The following TASOR variants were observed in gnomAD, a reference collection of about 807,000 sequenced individuals.
TASOR encodes transcription activation suppressor, also known as protein TASOR.
Under a neutral mutation model 178.6 loss-of-function variants are expected in TASOR, and 53 were observed. The ratio of observed to expected loss-of-function variants is 0.30; its 90% CI spans 0.24 to 0.37. The LOEUF (loss-of-function observed/expected upper bound fraction) is 0.37. TASOR is among the 10% of genes least tolerant of loss of function. The probability of loss-of-function intolerance (pLI) is 1.00; values close to 1 mark genes in which losing one functional copy is unlikely to be tolerated. For missense variants in TASOR, 1,815 were observed against 1,971.4 expected (o/e 0.92, Z 1.50); for synonymous variants, 713 against 696.2 (o/e 1.02, Z -0.38).
rs1452769434 is a variant in TASOR at position 56,633,685 on chromosome 3, A to G, written c.3106T>C (p.Leu1036=). Residue 1036 remains leucine (L), a synonymous_variant, in exon 18 of 24, where the codon TTG becomes CTG. Transcript: ENST00000683822. ...ACATATGAAACATTCTTTTGCTTCAAAATCTCTTCTATCTTCCTAGAAAAG... is the reference window on the plus strand; with the variant it reads ...ACATATGAAACATTCTTTTGCTTCAGAATCTCTTCTATCTTCCTAGAAAAG... ...NLFSRKIEEI[L]KQKNVSYVST... The G allele has an allele frequency of 1.9e-6, 3 of 1,614,134 alleles. No homozygotes were observed. The highest frequency in any genetic ancestry group is 1.1e-5 in the South Asian group (1 of 91,072).
At chr3:56,673,757 TAAC>T in intron 1 of TASOR, 32 bp from the exon 2 acceptor site, 1 of 1,516,094 alleles carries the variant, frequency 6.6e-7, no homozygotes, top group Non-Finnish European at 8.9e-7. Flanking sequence ...TTAAAATGTT[TAAC>T]ATTACTCCAT....
chr3:56,683,235 T>A lies in TASOR; in HGVS notation c.-229A>T. 2.2e-6 allele frequency: 1 copy of A among 453,142 alleles called. No individual in the cohort carries two copies. Among genetic ancestry groups the A allele is most frequent in the Non-Finnish European group, 3.9e-6 (1 of 258,702 alleles). The allele number at this position is 453,142 out of a possible 1,614,324, so 28.1% of individuals were successfully genotyped here. A position where few individuals can be genotyped will look rare whatever the true frequency, so the allele number is the denominator to read the frequency against. Reference sequence around the variant, plus strand: ...AGCCGCTCCTCCCTCGGGCAGTTCTTCTGCCTTCCCCCGCCACTCAACGTG... The same window carrying A: ...AGCCGCTCCTCCCTCGGGCAGTTCTACTGCCTTCCCCCGCCACTCAACGTG... On this transcript the variant is annotated 5_prime_UTR_variant, in exon 1 of 24. Coordinates refer to ENST00000683822, the MANE Select transcript of TASOR (RefSeq NM_001365635.2).
chr3:56,683,208 G>T lies in TASOR; in HGVS notation c.-202C>A. The T allele has an allele frequency of 3.8e-6, 2 of 525,450 alleles. No homozygotes were observed. Among genetic ancestry groups the T allele is most frequent in the Non-Finnish European group, 6.6e-6 (2 of 303,790 alleles). 32.5% of individuals were successfully genotyped at this position (525,450 alleles called of 1,614,324 possible). A position where few individuals can be genotyped will look rare whatever the true frequency, so the allele number is the denominator to read the frequency against. ...ACCCCAAATGCGCTGCCCGGTCCTCGGAGCCGCTCCTCCCTCGGGCAGTTC... is the reference window on the plus strand; with the variant it reads ...ACCCCAAATGCGCTGCCCGGTCCTCTGAGCCGCTCCTCCCTCGGGCAGTTC... On this transcript the variant is annotated 5_prime_UTR_variant, in exon 1 of 24. Coordinates refer to ENST00000683822, the MANE Select transcript of TASOR (RefSeq NM_001365635.2).
intron 13 of TASOR, 67 bp from the exon 14 acceptor site, chr3:56,647,290 A>T: frequency 1.6e-6 from 2 of 1,259,424 alleles, no homozygotes; most frequent in Non-Finnish European, 2.2e-6. Context: ...TCAAATACAG[A>T]TCTAAATATT....
chr3:56,647,746 A>G (rs1205284197), intron 13 of TASOR, among the ~76,000 whole-genome samples: 3 of 152,362 alleles, frequency 2.0e-5, no homozygotes, highest in South Asian at 4.1e-4. Flanking sequence ...CACAGTATTA[A>G]AGTTCATTCT....
chr3:56,651,552 T>C (rs2077352014), intron 11 of TASOR, among the ~76,000 whole-genome samples: 1 of 152,076 alleles, frequency 6.6e-6, no homozygotes, highest in African/African-American at 2.4e-5. Flanking sequence ...ATTTTAAAAG[T>C]TGTCATGTGT....
intron 11 of TASOR, among the ~76,000 whole-genome samples, chr3:56,652,672 C>G (rs1440854485): frequency 1.3e-5 from 2 of 152,076 alleles, no homozygotes; most frequent in African/African-American, 4.8e-5. Context: ...AGAACTCTGC[C>G]TGGCGTATGA....
intron 21 of TASOR, among the ~76,000 whole-genome samples, chr3:56,625,698 T>G (rs1373396066): frequency 6.6e-6 from 1 of 152,128 alleles, no homozygotes; most frequent in Non-Finnish European, 1.5e-5. Flanking sequence ...TTCTTTTTTT[T>G]TTTTGAGACA....
chr3:56,675,077 G>A (rs1202454286), intron 1 of TASOR, among the ~76,000 whole-genome samples: 2 of 151,934 alleles, frequency 1.3e-5, no homozygotes, highest in Admixed American at 6.6e-5. Flanking sequence ...CACCTGCCTC[G>A]GCCTCCCAAA....
chr3:56,658,922 G>GAGAC (rs1184623966), intron 11 of TASOR, among the ~76,000 whole-genome samples: 1 of 146,382 alleles, frequency 6.8e-6, no homozygotes, highest in Non-Finnish European at 1.5e-5. Context: ...AAAAAAGAGA[G>GAGAC]AGAGACAGAG....
chr3:56,638,984 G>C (rs1474342255), intron 16 of TASOR, among the ~76,000 whole-genome samples: 1 of 152,126 alleles, frequency 6.6e-6, no homozygotes, highest in Admixed American at 6.6e-5. Context: ...GAAACGGTTA[G>C]GATAACCTTC....
intron 1 of TASOR, among the ~76,000 whole-genome samples, chr3:56,675,438 A>C (rs966891728): frequency 1.3e-5 from 2 of 151,882 alleles, no homozygotes; most frequent in Non-Finnish European, 2.9e-5. Flanking sequence ...CGGCCTCCCA[A>C]AGTGCTGGGA....
At chr3:56,641,148 G>A (rs2077115181) in intron 15 of TASOR, among the ~76,000 whole-genome samples, 1 of 151,410 alleles carries the variant, frequency 6.6e-6, no homozygotes, top group East Asian at 1.9e-4. Flanking sequence ...AAGCTTCTAA[G>A]AAGGAAGGAA....
chr3:56,643,061 C>T (rs1158660689), intron 14 of TASOR, among the ~76,000 whole-genome samples: 2 of 151,594 alleles, frequency 1.3e-5, no homozygotes, highest in Non-Finnish European at 2.9e-5. Context: ...GTCAGGAGTT[C>T]GAAACTAGCT....
chr3:56,669,821 GATT>G (rs1289186857), intron 4 of TASOR, 30 bp from the exon 5 acceptor site: 21 of 1,436,064 alleles, frequency 1.5e-5, no homozygotes, highest in Non-Finnish European at 2.0e-5. Flanking sequence ...TAAGGAAACT[GATT>G]ATATTTTTCA....
At chr3:56,680,703 C>T (rs2031705439) in intron 1 of TASOR, among the ~76,000 whole-genome samples, 1 of 152,012 alleles carries the variant, frequency 6.6e-6, no homozygotes. Context: ...CTATTTAAAT[C>T]GCTATTTTAC....
chr3:56,648,948 A>C, intron 12 of TASOR, 37 bp downstream of exon 12: 1 of 1,596,974 alleles, frequency 6.3e-7, no homozygotes, highest in East Asian at 2.2e-5. Flanking sequence ...AAAGTTAAGA[A>C]AGAATTGTAA....
At chr3:56,664,756 G>C (rs77207983) in intron 7 of TASOR, among the ~76,000 whole-genome samples, 1,795 of 152,134 alleles carry the variant, frequency 0.012, 20 homozygotes, top group Middle Eastern at 0.061. Flanking sequence ...ATTCCATTTG[G>C]CTAAAGCATT....
rs1199768344 is a variant in TASOR, at chr3:56,641,472, T to C, written c.2496A>G (p.Lys832=). 6.2e-7 allele frequency: 1 copy of C among 1,613,466 alleles called. No homozygotes were observed. The highest frequency in any genetic ancestry group is 1.7e-5 in the Admixed American group (1 of 59,994). The part of the protein sequence containing the change: ...KKDYEQPTCA[K]VENAQFKGTQ... Reference sequence around the variant, plus strand: ...TACCCTTAAACTGTGCATTTTCAACTTTTGCACAAGTAGGCTGCTCATAGT... The same window carrying C: ...TACCCTTAAACTGTGCATTTTCAACCTTTGCACAAGTAGGCTGCTCATAGT... The change falls in exon 15 of 24, where the codon AAA becomes AAG. Residue 832 remains lysine, a synonymous_variant. Coordinates refer to ENST00000683822, the MANE Select transcript of TASOR (RefSeq NM_001365635.2).
Sources: allele counts gnomAD v4.1 joint callset (sites outside exome capture counted in the v4.1 genomes callset), GRCh38; gene constraint gnomAD v4.1.1; transcripts MANE v1.5; gene names NCBI Gene and HGNC (gene_info 2026-07-23, HGNC 2026-07-21).